Variants in WBP1L observed in about 807,000 individuals in gnomAD.
The protein encoded by WBP1L is WW domain binding protein 1 like.
WBP1L carries 17 observed loss-of-function variants against 33.7 expected under a neutral mutation model. That is an observed-to-expected ratio of 0.50 (90% CI 0.34 to 0.76). WBP1L has a LOEUF of 0.76. Ranked by LOEUF, WBP1L falls within the 30% of genes least tolerant of loss-of-function variation. The probability of loss-of-function intolerance (pLI) is 0.01; values close to 1 mark genes in which losing one functional copy is unlikely to be tolerated. For synonymous variants in WBP1L, 173 were observed against 190.8 expected, an observed-to-expected ratio of 0.91 and a Z score of 0.77; for missense variants, 389 against 469.4, an observed-to-expected ratio of 0.83 and a Z score of 1.58.
intron 1 of WBP1L, among the ~76,000 whole-genome samples, chr10:102,765,952 A>G (rs748812209): frequency 2.0e-5 from 3 of 152,152 alleles, no homozygotes; most frequent in Non-Finnish European, 4.4e-5. Flanking sequence ...AATATAGACC[A>G]TGTCTCTCTT....
intron 1 of WBP1L, chr10:102,776,233 C>G (rs559425406): frequency 6.5e-7 from 1 of 1,538,900 alleles, no homozygotes; most frequent in African/African-American, 1.4e-5. Flanking sequence ...TGTGCCTGCT[C>G]GGTCCCAGGA....
intron 1 of WBP1L, among the ~76,000 whole-genome samples, chr10:102,750,305 G>C (rs568712965): frequency 3.6e-4 from 54 of 151,434 alleles, no homozygotes; most frequent in Admixed American, 3.5e-3. Context: ...TGAGGCAGGA[G>C]AATCGCTTGA....
At chr10:102,752,183 C>T (rs889558401) in intron 1 of WBP1L, among the ~76,000 whole-genome samples, 6 of 152,132 alleles carry the variant, frequency 3.9e-5, no homozygotes, top group Admixed American at 3.9e-4. Flanking sequence ...TCCTGGAATG[C>T]TCAGGACAGC....
chr10:102,775,626 C>G (rs772845315), intron 1 of WBP1L, among the ~76,000 whole-genome samples: 1 of 151,978 alleles, frequency 6.6e-6, no homozygotes, highest in African/African-American at 2.4e-5. Flanking sequence ...AGCGAGGGCT[C>G]GAAAGGTCAG....
At chr10:102,809,050 G>A (rs973469950) in intron 2 of WBP1L, among the ~76,000 whole-genome samples, 3 of 151,996 alleles carry the variant, frequency 2.0e-5, no homozygotes, top group Non-Finnish European at 2.9e-5. Context: ...GCGTCCTGGA[G>A]TGAGAGACCT....
Position 102,764,310 on chromosome 10 carries a change from G to T in WBP1L, c.90+20167G>T, listed in dbSNP as rs954377276. Among the ~76,000 whole-genome samples, 11 of 152,134 alleles carry T rather than the reference G, an allele frequency of 7.2e-5. No individual in the cohort carries two copies. The East Asian group carries it at 2.1e-3, about 29-fold the overall frequency. On this transcript the variant is annotated intron_variant, in intron 1 of 3. Coordinates refer to ENST00000448841, the MANE Select transcript of WBP1L (RefSeq NM_001083913.2). Reference sequence around the variant, plus strand: ...ACAACAACATTAGCTTTTCTGGGAGGGCCAATGGCTGTGCTGTGATGGGGC... The same window carrying T: ...ACAACAACATTAGCTTTTCTGGGAGTGCCAATGGCTGTGCTGTGATGGGGC...
intron 2 of WBP1L, among the ~76,000 whole-genome samples, chr10:102,799,137 C>G (rs764806133): frequency 1.3e-5 from 2 of 152,140 alleles, no homozygotes; most frequent in Non-Finnish European, 2.9e-5. Flanking sequence ...ACCAGCCTGG[C>G]TAACATGGTG....
chr10:102,769,047 T>C lies in WBP1L; in HGVS notation c.90+24904T>C, dbSNP rs138987200. Among the ~76,000 whole-genome samples the C allele has an allele frequency of 6.7e-4, 102 of 152,262 alleles. 1 individual carries two copies. In the East Asian group the frequency reaches 0.018, roughly 27 times the overall value. On this transcript the variant is annotated intron_variant, in intron 1 of 3. Transcript: ENST00000448841. ...ATACCCAGGCTAGAGTGCAGTGGTATAATCACAGCTCACTACAACCTCAAC... is the reference window on the plus strand; with the variant it reads ...ATACCCAGGCTAGAGTGCAGTGGTACAATCACAGCTCACTACAACCTCAAC...
intron 1 of WBP1L, among the ~76,000 whole-genome samples, chr10:102,781,263 G>C (rs10883777): frequency 0.21 from 31,442 of 152,086 alleles, 3,325 homozygotes; most frequent in Middle Eastern, 0.31. Context: ...AGCCATGACT[G>C]TGGAGAGGGA....
chr10:102,806,992 AT>A (rs1022440442), intron 2 of WBP1L, among the ~76,000 whole-genome samples: 25 of 152,098 alleles, frequency 1.6e-4, no homozygotes, highest in Non-Finnish European at 3.7e-4. Flanking sequence ...GGAGGGAGGC[AT>A]TTTTTTCTTT....
chr10:102,795,215 A>T (rs1360577039), intron 1 of WBP1L, among the ~76,000 whole-genome samples: 3 of 152,244 alleles, frequency 2.0e-5, no homozygotes, highest in Non-Finnish European at 4.4e-5. Flanking sequence ...TTACCAAACC[A>T]TAGGCTGATG....
chr10:102,779,145 A>G lies in WBP1L; in HGVS notation c.91-18848A>G, dbSNP rs1246587469. ...GGGCATGTTTCTTTCTAGCCTGCCT[A>G]GGTAGGAGATAAAATGCTGCTTACC... On this transcript the variant is annotated intron_variant, in intron 1 of 3. Transcript: ENST00000448841. 3.0e-4 allele frequency among the ~76,000 whole-genome samples: 46 copies of G among 151,826 alleles called. 1 individual carries two copies. The highest frequency in any genetic ancestry group is 1.5e-5 in the Non-Finnish European group (1 of 67,978).
Position 102,776,472 on chromosome 10 carries a change from T to C in WBP1L, c.91-21521T>C, listed in dbSNP as rs1843265335. On this transcript the variant is annotated intron_variant, in intron 1 of 3. Coordinates refer to ENST00000448841, the MANE Select transcript of WBP1L (RefSeq NM_001083913.2). The stretch of plus-strand genomic sequence containing the variant: ...AAGGGAAGAAGGGGTGGGAGCTTGT[T>C]TATTGTACTACTGCTTTGGGTGGAG... 4.3e-6 allele frequency: 7 copies of C among 1,609,446 alleles called. No homozygotes were observed. The Admixed American group carries it at 1.2e-4, about 27-fold the overall frequency.
At chr10:102,765,356 C>A (rs1253446969) in intron 1 of WBP1L, among the ~76,000 whole-genome samples, 1 of 152,150 alleles carries the variant, frequency 6.6e-6, no homozygotes, top group Non-Finnish European at 1.5e-5. Flanking sequence ...CCTCACCCTC[C>A]CCAGCAACTA....
intron 1 of WBP1L, among the ~76,000 whole-genome samples, chr10:102,793,621 G>A (rs944242893): frequency 1.3e-5 from 2 of 152,124 alleles, no homozygotes; most frequent in Non-Finnish European, 2.9e-5. Flanking sequence ...CTGAGTGAAG[G>A]CAAAGTGCTT....
intron 2 of WBP1L, among the ~76,000 whole-genome samples, chr10:102,805,699 C>T (rs1375735088): frequency 1.3e-5 from 2 of 151,020 alleles, no homozygotes; most frequent in South Asian, 2.1e-4. Flanking sequence ...TGTTTGAGAC[C>T]AGCCTGGGCA....
chr10:102,808,426 T>C (rs552673738), intron 2 of WBP1L, among the ~76,000 whole-genome samples: 12 of 152,176 alleles, frequency 7.9e-5, no homozygotes, highest in Non-Finnish European at 1.8e-4. Context: ...AGGTCTTATA[T>C]TGGGGTTTGC....
At position 102,815,244 on chromosome 10, in the gene WBP1L, G is replaced by T. The variant is rs1270540378; in HGVS notation, c.*1913G>T. 1 of 152,632 alleles carries T rather than the reference G, an allele frequency of 6.6e-6. No individual in the cohort carries two copies. The highest frequency in any genetic ancestry group is 6.5e-5 in the Admixed American group (1 of 15,282). The allele number at this position is 152,632 out of a possible 1,614,324, so 9.5% of individuals were successfully genotyped here. ...GTCCCCTGTGTTTGCCAGAGATACT[G>T]TGCTCGAAGTAGAGGTTTTACTCTA... On this transcript the variant is annotated 3_prime_UTR_variant, in exon 4 of 4. Transcript: ENST00000448841.
chr10:102,801,099 G>T (rs1306350566), intron 2 of WBP1L, among the ~76,000 whole-genome samples: 1 of 152,038 alleles, frequency 6.6e-6, no homozygotes, highest in Non-Finnish European at 1.5e-5. Context: ...AGCACACATA[G>T]ACCTGAGCTC....
Sources: gnomAD v4.1 joint callset for allele counts (sites outside exome capture counted in the v4.1 genomes callset) on GRCh38, gnomAD v4.1.1 for gene constraint, MANE v1.5 for transcripts, NCBI Gene and HGNC (gene_info 2026-07-23, HGNC 2026-07-21) for gene names.